Variants in PTPN13 observed in about 807,000 individuals in gnomAD.
The protein encoded by PTPN13 is tyrosine-protein phosphatase non-receptor type 13.
PTPN13 carries 191 observed loss-of-function variants against 284.0 expected under a neutral mutation model. That is an observed-to-expected ratio of 0.67 (90% confidence interval 0.60 to 0.76). The LOEUF is 0.76. PTPN13 is among the 30% of genes least tolerant of loss of function. PTPN13 has a pLI of 0.00. For missense variants in PTPN13, 2,797 were observed against 2,939.9 expected (o/e 0.95, Z 1.12); for synonymous variants, 986 against 1,022.3 (o/e 0.96, Z 0.68).
At position 86,750,791 on chromosome 4, in the gene PTPN13, C is replaced by T; in HGVS notation, c.2972C>T (p.Pro991Leu). The T allele has an allele frequency of 2.5e-6, 4 of 1,613,590 alleles. No homozygotes were observed. Among genetic ancestry groups the T allele is most frequent in the Non-Finnish European group, 3.4e-6 (4 of 1,179,728 alleles). ...HRKNVIVNME[P>L]PPQTVAELVG... ...AAAAATGTCATTGTTAACATGGAAC[C>T]CCCACCACAAACCGTTGCAGAGTTG... The change falls in exon 18 of 48, where the codon CCC (proline) becomes CTC (leucine). Residue 991 changes from proline (P) to leucine (L), a missense_variant. Transcript: ENST00000411767.
At chr4:86,732,298 G>A in intron 10 of PTPN13, 102 bp from the exon 11 acceptor site, 2 of 963,300 alleles carry the variant, frequency 2.1e-6, no homozygotes, top group Non-Finnish European at 3.0e-6. Flanking sequence ...TGGTGATTTT[G>A]TAGTTTCATA....
intron 1 of PTPN13, among the ~76,000 whole-genome samples, chr4:86,629,537 A>C (rs1202456879): frequency 6.6e-6 from 1 of 152,138 alleles, no homozygotes; most frequent in African/African-American, 2.4e-5. Context: ...TTTCTTTTCA[A>C]ATAGCAAAGA....
At chr4:86,670,430 T>G (rs1727606930) in intron 2 of PTPN13, among the ~76,000 whole-genome samples, 1 of 151,790 alleles carries the variant, frequency 6.6e-6, no homozygotes, top group Non-Finnish European at 1.5e-5. Flanking sequence ...TTGATGGCAC[T>G]CTGTCCTTTT....
At chr4:86,774,756 G>A (rs1740427087) in intron 33 of PTPN13, among the ~76,000 whole-genome samples, 1 of 150,974 alleles carries the variant, frequency 6.6e-6, no homozygotes, top group East Asian at 1.9e-4. Context: ...GGGTACATGT[G>A]CACAACGTGC....
chr4:86,797,443 G>C (rs1240404338), intron 41 of PTPN13, among the ~76,000 whole-genome samples: 1 of 151,774 alleles, frequency 6.6e-6, no homozygotes, highest in Non-Finnish European at 1.5e-5. Flanking sequence ...AGTGAGCCGA[G>C]ATCGCGCCAC....
intron 2 of PTPN13, among the ~76,000 whole-genome samples, chr4:86,651,078 G>A (rs1669022229): frequency 6.6e-6 from 1 of 152,126 alleles, no homozygotes; most frequent in Non-Finnish European, 1.5e-5. Context: ...TGATCATGTT[G>A]AGGTATGTTC....
chr4:86,665,154 A>G (rs1256225564), intron 2 of PTPN13, among the ~76,000 whole-genome samples: 1 of 152,200 alleles, frequency 6.6e-6, no homozygotes, highest in Non-Finnish European at 1.5e-5. Flanking sequence ...AGCCTAATTG[A>G]TCAGTAGCCA....
At chr4:86,680,391 A>G (rs1331309816) in intron 3 of PTPN13, among the ~76,000 whole-genome samples, 1 of 148,862 alleles carries the variant, frequency 6.7e-6, no homozygotes, top group Non-Finnish European at 1.5e-5. Flanking sequence ...CTATCTATCT[A>G]TCTATCTATC....
intron 6 of PTPN13, among the ~76,000 whole-genome samples, 198 bp from the exon 7 acceptor site, chr4:86,701,043 G>T (rs1731098163): frequency 6.6e-6 from 1 of 152,246 alleles, no homozygotes; most frequent in East Asian, 1.9e-4. Context: ...GATAAGAGAC[G>T]ATGAACTATG....
Position 86,762,828 on chromosome 4 carries a change from C to G in PTPN13, c.3655C>G (p.His1219Asp). Residue 1219 changes from histidine to aspartate, a missense_variant, in exon 24 of 48, where the codon CAC (histidine) becomes GAC (aspartate). Physicochemically the swap from His to Asp is moderately conservative, Grantham distance 81. Coordinates refer to ENST00000411767, the MANE Select transcript of PTPN13 (RefSeq NM_080683.3). Reference protein sequence around the residue: ...SAIDSSSKDHHWSRGTLRHIS... With the variant: ...SAIDSSSKDHDWSRGTLRHIS... ...TATAGATTCTTCTTCCAAGGATCACCACTGGTCACGTGGTACCCTGAGGCA... is the reference window on the plus strand; with the variant it reads ...TATAGATTCTTCTTCCAAGGATCACGACTGGTCACGTGGTACCCTGAGGCA... 6.2e-7 allele frequency: 1 copy of G among 1,613,796 alleles called. No homozygotes were observed. The highest frequency in any genetic ancestry group is 8.5e-7 in the Non-Finnish European group (1 of 1,179,824).
At chr4:86,695,929 C>T (rs1174436022) in intron 6 of PTPN13, among the ~76,000 whole-genome samples, 1 of 151,938 alleles carries the variant, frequency 6.6e-6, no homozygotes, top group Non-Finnish European at 1.5e-5. Context: ...TGACTTCCAT[C>T]CTATCTCCCT....
At chr4:86,784,634 TC>T in intron 38 of PTPN13, 76 bp downstream of exon 38, 1 of 921,852 alleles carries the variant, frequency 1.1e-6, no homozygotes. Context: ...ATAGGTATCC[TC>T]TTTTCTTTGC....
intron 7 of PTPN13, among the ~76,000 whole-genome samples, chr4:86,702,570 T>C (rs1481740320): frequency 1.3e-5 from 2 of 152,198 alleles, no homozygotes; most frequent in African/African-American, 4.8e-5. Flanking sequence ...TAAATGGTAA[T>C]TTCTTATTCT....
rs1415791933 is a variant in PTPN13 at position 86,594,727 on chromosome 4, C to G, written c.-68C>G. On this transcript the variant is annotated 5_prime_UTR_variant, in exon 1 of 48. Coordinates refer to ENST00000411767, the MANE Select transcript of PTPN13 (RefSeq NM_080683.3). ...GGCGGCTGCCGGCGGCCCGCCCCGA[C>G]GCCGCGTCCCTGCAGCCCTCGCCCG... The G allele has an allele frequency of 1.3e-5, 2 of 152,412 alleles. No homozygotes were observed. The highest frequency in any genetic ancestry group is 2.9e-5 in the Non-Finnish European group (2 of 68,274). 9.4% of individuals were successfully genotyped at this position (152,412 alleles called of 1,614,324 possible).
At chr4:86,751,256 T>G in intron 19 of PTPN13, 132 bp downstream of exon 19, 1 of 661,346 alleles carries the variant, frequency 1.5e-6, no homozygotes. Context: ...AATTTTAGGC[T>G]ACTTAAAATG....
intron 1 of PTPN13, among the ~76,000 whole-genome samples, chr4:86,603,575 T>C (rs1038558698): frequency 6.6e-6 from 1 of 152,164 alleles, no homozygotes; most frequent in African/African-American, 2.4e-5. Flanking sequence ...ATGTTATGAA[T>C]TCCAAAGATG....
intron 44 of PTPN13, among the ~76,000 whole-genome samples, chr4:86,806,809 C>G (rs1744709805): frequency 6.6e-6 from 1 of 152,128 alleles, no homozygotes; most frequent in African/African-American, 2.4e-5. Context: ...ATAGAAATAA[C>G]TTCTAAGGTA....
chr4:86,746,299 A>G (rs536984396), intron 17 of PTPN13, among the ~76,000 whole-genome samples: 125 of 152,344 alleles, frequency 8.2e-4, no homozygotes, highest in African/African-American at 3.0e-3. Context: ...TCTACATAGT[A>G]AATTCTTATA....
At chr4:86,679,055 T>C (rs375560544) in intron 3 of PTPN13, among the ~76,000 whole-genome samples, 10 of 152,246 alleles carry the variant, frequency 6.6e-5, no homozygotes, top group African/African-American at 9.6e-5. Context: ...AAGTTCGTAC[T>C]GTATTGGCCT....
Sources: gnomAD v4.1 joint callset for allele counts (sites outside exome capture counted in the v4.1 genomes callset) on GRCh38, gnomAD v4.1.1 for gene constraint, MANE v1.5 for transcripts, NCBI Gene and HGNC (gene_info 2026-07-23, HGNC 2026-07-21) for gene names.